Variants in CFAP299 observed in about 807,000 individuals in gnomAD.
CFAP299 encodes the protein cilia and flagella associated protein 299, also known as cilia- and flagella-associated protein 299.
In CFAP299, 21 loss-of-function variants were observed where a neutral mutation model predicts 27.0. The ratio of observed to expected loss-of-function variants is 0.78; its 90% CI spans 0.55 to 1.12. The LOEUF is 1.12. Among genes scored for constraint, CFAP299 ranks in the 50% most tolerant of loss-of-function variants. The pLI, the probability that CFAP299 is intolerant of heterozygous loss-of-function variation, is 0.00. For synonymous variants in CFAP299, 104 were observed against 98.1 expected (o/e 1.06, Z -0.36); for missense variants, 310 against 276.6 (o/e 1.12, Z -0.86).
At chr4:80,860,754 A>C (rs572045494) in intron 3 of CFAP299, among the ~76,000 whole-genome samples, 7 of 152,210 alleles carry the variant, frequency 4.6e-5, no homozygotes, top group African/African-American at 1.7e-4. Context: ...TTGCTCTCTG[A>C]TCGTTCCTCT....
chr4:80,664,095 CTGA>C (rs948253906), intron 3 of CFAP299, among the ~76,000 whole-genome samples: 1 of 152,138 alleles, frequency 6.6e-6, no homozygotes, highest in Non-Finnish European at 1.5e-5. Context: ...CCTGTTCATG[CTGA>C]TGACAGTTTC....
At chr4:80,803,823 C>A (rs1221410671) in intron 3 of CFAP299, among the ~76,000 whole-genome samples, 2 of 150,954 alleles carry the variant, frequency 1.3e-5, no homozygotes, top group African/African-American at 4.9e-5. Context: ...TACAATTTGC[C>A]GTCTTAATTA....
At chr4:80,491,797 A>G (rs1731149311) in intron 2 of CFAP299, among the ~76,000 whole-genome samples, 1 of 152,190 alleles carries the variant, frequency 6.6e-6, no homozygotes, top group Non-Finnish European at 1.5e-5. Context: ...TTACCCCAAA[A>G]CATGTTTCTT....
At chr4:80,387,354 C>G in intron 2 of CFAP299, 2 of 1,409,072 alleles carry the variant, frequency 1.4e-6, no homozygotes, top group Non-Finnish European at 2.0e-6. Context: ...TACACCTGCT[C>G]GTTCTTATGC....
At chr4:80,334,092 G>A (rs1479767938), upstream of CFAP299, among the ~76,000 whole-genome samples, 1 of 152,170 alleles carries the variant, frequency 6.6e-6, no homozygotes, top group East Asian at 1.9e-4. Flanking sequence ...TTTTGAGTTA[G>A]AAGACATTTC....
intron 2 of CFAP299, among the ~76,000 whole-genome samples, chr4:80,473,200 C>A (rs565129851): frequency 6.6e-6 from 1 of 152,140 alleles, no homozygotes; most frequent in East Asian, 1.9e-4. Context: ...CCAGGAAAGC[C>A]TGCATAGAGG....
chr4:80,462,577 C>T (rs568543774), intron 2 of CFAP299, among the ~76,000 whole-genome samples: 29 of 152,256 alleles, frequency 1.9e-4, no homozygotes, highest in African/African-American at 7.0e-4. Flanking sequence ...CCCTTCCCCA[C>T]CCCCATCTAT....
chr4:80,438,151 A>T (rs1332956869), intron 2 of CFAP299, among the ~76,000 whole-genome samples: 2 of 152,228 alleles, frequency 1.3e-5, no homozygotes, highest in Admixed American at 6.5e-5. Flanking sequence ...AGAAAAATTA[A>T]TGCAAGGAAA....
chr4:80,932,914 G>T (rs1736692162), intron 4 of CFAP299, among the ~76,000 whole-genome samples: 1 of 151,638 alleles, frequency 6.6e-6, no homozygotes, highest in African/African-American at 2.4e-5. Context: ...TTACAGGCTG[G>T]CTACACAAAG....
intron 3 of CFAP299, among the ~76,000 whole-genome samples, chr4:80,609,929 GT>G (rs1054803037): frequency 6.6e-6 from 1 of 152,020 alleles, no homozygotes; most frequent in African/African-American, 2.4e-5. Flanking sequence ...TCTAGACTAT[GT>G]TTGAACCAAC....
chr4:80,329,859 A>C, the CFAP299 span, among the ~76,000 whole-genome samples: 1 of 152,174 alleles, frequency 6.6e-6, no homozygotes, highest in Admixed American at 6.5e-5. Context: ...TTATCATGTA[A>C]TTTAGAAGAG....
intron 3 of CFAP299, among the ~76,000 whole-genome samples, chr4:80,654,952 A>G (rs1740484158): frequency 6.6e-6 from 1 of 151,982 alleles, no homozygotes; most frequent in Non-Finnish European, 1.5e-5. Flanking sequence ...TAAAATATGT[A>G]TTTTCATCTG....
chr4:80,335,661 CA>C, upstream of CFAP299: 1 of 736,334 alleles, frequency 1.4e-6, no homozygotes, highest in South Asian at 1.4e-5. Flanking sequence ...GATTAACGTC[CA>C]AAGCTCACAC....
At chr4:80,940,902 A>C (rs1737161801) in intron 4 of CFAP299, among the ~76,000 whole-genome samples, 1 of 152,204 alleles carries the variant, frequency 6.6e-6, no homozygotes, top group Non-Finnish European at 1.5e-5. Context: ...ACAGATAGGT[A>C]CTGAGATGAT....
chr4:80,692,119 C>G (rs907863743), intron 3 of CFAP299, among the ~76,000 whole-genome samples: 3 of 152,076 alleles, frequency 2.0e-5, no homozygotes, highest in Non-Finnish European at 4.4e-5. Flanking sequence ...GCCATACTGC[C>G]CAAGATAATT....
At chr4:80,690,741 T>G (rs536054936) in intron 3 of CFAP299, among the ~76,000 whole-genome samples, 2 of 151,810 alleles carry the variant, frequency 1.3e-5, no homozygotes. Flanking sequence ...TTCAAAAAAT[T>G]AATGAATCCA....
intron 3 of CFAP299, among the ~76,000 whole-genome samples, chr4:80,693,854 CACAG>C (rs1553949904): frequency 6.7e-6 from 1 of 150,038 alleles, no homozygotes; most frequent in Non-Finnish European, 1.5e-5. Context: ...AAAAAAAAAA[CACAG>C]AGCATTAGCT....
rs141172515 is a variant in CFAP299 at position 80,493,304 on chromosome 4, A to C, written c.243-89789A>C. 8.0e-3 allele frequency among the ~76,000 whole-genome samples: 1,226 copies of C among 152,334 alleles called. 8 individuals are homozygous for C. Among genetic ancestry groups the C allele is most frequent in the South Asian group, 0.027 (130 of 4,828 alleles). Reference sequence around the variant, plus strand: ...GTGCACACTCACCGATGGTGGGTGCACATTTGGACAAGGGAGAGGAAGGGA... The same window carrying C: ...GTGCACACTCACCGATGGTGGGTGCCCATTTGGACAAGGGAGAGGAAGGGA... On this transcript the variant is annotated intron_variant, in intron 2 of 5. Transcript: ENST00000358105.
chr4:80,743,128 C>T (rs575606702), intron 3 of CFAP299, among the ~76,000 whole-genome samples: 1 of 152,196 alleles, frequency 6.6e-6, no homozygotes, highest in African/African-American at 2.4e-5. Context: ...CTCCGTGGCT[C>T]ATGCCTGTAA....
Sources: allele counts gnomAD v4.1 joint callset (sites outside exome capture counted in the v4.1 genomes callset), GRCh38; gene constraint gnomAD v4.1.1; transcripts MANE v1.5; gene names NCBI Gene and HGNC (gene_info 2026-07-23, HGNC 2026-07-21).